Variants in CA6 observed in about 807,000 individuals in gnomAD.
CA6 encodes carbonate dehydratase VI.
CA6 carries 28 observed loss-of-function variants against 35.9 expected under a neutral mutation model. The ratio of observed to expected loss-of-function variants is 0.78; its 90% CI spans 0.58 to 1.07. The LOEUF is 1.07. Among genes scored for constraint, CA6 ranks in the 50% least tolerant of loss-of-function variants. The pLI, the probability that CA6 is intolerant of heterozygous loss-of-function variation, is 0.00. For missense variants in CA6, 377 were observed against 382.0 expected, an observed-to-expected ratio of 0.99 and a Z score of 0.11; for synonymous variants, 148 against 152.6, an observed-to-expected ratio of 0.97 and a Z score of 0.22.
At chr1:8,970,469 T>C (rs1324207294) in intron 6 of CA6, among the ~76,000 whole-genome samples, 19 of 152,022 alleles carry the variant, frequency 1.2e-4, no homozygotes, top group Admixed American at 1.2e-3. Flanking sequence ...TTCATCAGGG[T>C]TATATAAATC....
chr1:8,971,696 A>G (rs576908353), intron 7 of CA6, among the ~76,000 whole-genome samples: 1 of 152,148 alleles, frequency 6.6e-6, no homozygotes, highest in African/African-American at 2.4e-5. Context: ...AACGCCTCCT[A>G]TACATTCTCT....
At chr1:8,948,697 C>A (rs1014479520) in intron 1 of CA6, among the ~76,000 whole-genome samples, 1 of 152,020 alleles carries the variant, frequency 6.6e-6, no homozygotes, top group South Asian at 2.1e-4. Flanking sequence ...AGGCCGGGCA[C>A]GGTGGCTCAC....
At chr1:8,960,777 C>CAT (rs1413843313) in intron 4 of CA6, among the ~76,000 whole-genome samples, 83 of 141,532 alleles carry the variant, frequency 5.9e-4, no homozygotes, top group African/African-American at 2.2e-3. Flanking sequence ...CACACACACA[C>CAT]ACACACACAC....
chr1:8,955,895 T>C (rs12059715), intron 2 of CA6, among the ~76,000 whole-genome samples: 12,737 of 152,248 alleles, frequency 0.084, 865 homozygotes, highest in East Asian at 0.23. Flanking sequence ...TTTAAGAAAA[T>C]GTTCTTGTTT....
At chr1:8,973,776 C>CTT (rs1333695550) in intron 7 of CA6, among the ~76,000 whole-genome samples, 257 of 17,160 alleles carry the variant, frequency 0.015, 8 homozygotes, top group African/African-American at 0.098. Context: ...TTCTTTCTTT[C>CTT]TTTCTTTCTT....
At chr1:8,956,672 A>C (rs1414362954) in intron 2 of CA6, among the ~76,000 whole-genome samples, 1 of 152,200 alleles carries the variant, frequency 6.6e-6, no homozygotes, top group African/African-American at 2.4e-5. Flanking sequence ...GCATGAAAAA[A>C]AACAAAGAAA....
At chr1:8,974,580 G>A in intron 7 of CA6, 42 bp from the exon 8 acceptor site, 1 of 1,492,136 alleles carries the variant, frequency 6.7e-7, no homozygotes, top group Middle Eastern at 1.7e-4. Context: ...TGTGAGGACT[G>A]TACAAGGTTT....
At chr1:8,974,512 A>G in intron 7 of CA6, 110 bp from the exon 8 acceptor site, 1 of 1,440,942 alleles carries the variant, frequency 6.9e-7, no homozygotes, top group Non-Finnish European at 9.4e-7. Flanking sequence ...AAGGAATCAA[A>G]AGACTTCCCA....
At chr1:8,961,369 T>C (rs1336781339) in intron 4 of CA6, among the ~76,000 whole-genome samples, 1 of 152,210 alleles carries the variant, frequency 6.6e-6, no homozygotes, top group African/African-American at 2.4e-5. Context: ...GCAATGACTA[T>C]ACCACTGACT....
chr1:8,948,798 C>T (rs1269229348), intron 1 of CA6, among the ~76,000 whole-genome samples: 6 of 152,024 alleles, frequency 3.9e-5, no homozygotes, highest in East Asian at 3.9e-4. Context: ...GGTGAAACCC[C>T]GTCTCTACTA....
intron 6 of CA6, 24 bp downstream of exon 6, chr1:8,967,840 G>T (rs2274334): frequency 0.052 from 83,524 of 1,608,468 alleles, 2,629 homozygotes; most frequent in Admixed American, 0.13. Context: ...TCACTTTGCC[G>T]AAGTCTTCCC....
chr1:8,955,416 G>A (rs956346800), intron 2 of CA6, among the ~76,000 whole-genome samples: 1 of 152,130 alleles, frequency 6.6e-6, no homozygotes, highest in African/African-American at 2.4e-5. Context: ...CAGGCTCAGG[G>A]TTGTGGCTCT....
At chr1:8,957,917 C>T (rs572296162) in intron 3 of CA6, among the ~76,000 whole-genome samples, 94 of 152,158 alleles carry the variant, frequency 6.2e-4, no homozygotes, top group African/African-American at 2.0e-3. Context: ...CTGATCATGC[C>T]GCTGCACTCC....
chr1:8,970,845 A>C (rs1640090305), intron 6 of CA6, 22 bp from the exon 7 acceptor site: 1 of 1,412,266 alleles, frequency 7.1e-7, no homozygotes, highest in Admixed American at 1.7e-5. Context: ...TCCCCTCCAT[A>C]ATGCACTCAC....
At chr1:8,947,096 G>A (rs189669574) in intron 1 of CA6, among the ~76,000 whole-genome samples, 5 of 152,032 alleles carry the variant, frequency 3.3e-5, no homozygotes, top group Non-Finnish European at 2.9e-5. Context: ...GAGCCACCGC[G>A]CCAGGCCCCA....
intron 5 of CA6, among the ~76,000 whole-genome samples, chr1:8,964,467 C>T (rs867739745): frequency 3.3e-5 from 5 of 152,050 alleles, no homozygotes; most frequent in South Asian, 2.1e-4. Context: ...AGGATGGTCT[C>T]GATCTCCTGA....
intron 2 of CA6, among the ~76,000 whole-genome samples, chr1:8,949,686 C>T (rs1167656891): frequency 2.0e-5 from 3 of 152,052 alleles, no homozygotes; most frequent in Non-Finnish European, 4.4e-5. Context: ...CAGCGTTATC[C>T]TCTTACCCGA....
rs1358161091 is a variant in CA6 at position 8,951,623 on chromosome 1, G to A, written c.259+2181G>A. On this transcript the variant is annotated intron_variant, in intron 2 of 7. Coordinates refer to ENST00000377443, the MANE Select transcript of CA6 (RefSeq NM_001215.4). ...CCCAGAAGAGGGAAGGCATATGGAA[G>A]AGAAGAGCCCAGCTTCCCAAGGGGC... The A allele has an allele frequency of 3.9e-6, 3 of 765,244 alleles. 1 individual carries two copies. In the South Asian group the frequency reaches 4.0e-5, roughly 10 times the overall value. 47.4% of individuals were successfully genotyped at this position (765,244 alleles called of 1,614,324 possible). A position where few individuals can be genotyped will look rare whatever the true frequency, so the allele number is the denominator to read the frequency against.
intron 5 of CA6, among the ~76,000 whole-genome samples, chr1:8,966,460 T>C (rs565700804): frequency 6.6e-6 from 1 of 152,278 alleles, no homozygotes; most frequent in African/African-American, 2.4e-5. Context: ...GGTGGCTGCA[T>C]CATGATTCTG....
Sources: gnomAD v4.1 joint callset for allele counts (sites outside exome capture counted in the v4.1 genomes callset) on GRCh38, gnomAD v4.1.1 for gene constraint, MANE v1.5 for transcripts, NCBI Gene and HGNC (gene_info 2026-07-23, HGNC 2026-07-21) for gene names.